The following CNTNAP2 variants were observed in gnomAD, a reference collection of about 807,000 sequenced individuals.
CNTNAP2 encodes the protein contactin-associated protein-like 2.
Under a neutral mutation model 155.2 loss-of-function variants are expected in CNTNAP2, and 98 were observed. The ratio of observed to expected loss-of-function variants is 0.63; its 90% CI spans 0.54 to 0.75. CNTNAP2 has a LOEUF of 0.75. Ranked by LOEUF, CNTNAP2 falls within the 30% of genes least tolerant of loss-of-function variation. The pLI, the probability that CNTNAP2 is intolerant of heterozygous loss-of-function variation, is 0.00. For missense variants in CNTNAP2, 1,727 were observed against 1,688.1 expected (o/e 1.02, Z -0.40); for synonymous variants, 651 against 631.2 (o/e 1.03, Z -0.47).
At chr7:147,925,257 A>C (rs188841432) in intron 14 of CNTNAP2, among the ~76,000 whole-genome samples, 105 of 150,788 alleles carry the variant, frequency 7.0e-4, no homozygotes, top group African/African-American at 2.3e-3. Flanking sequence ...TACCCCCTAC[A>C]CATATAATGC....
chr7:146,393,329 T>A (rs1305444331), intron 1 of CNTNAP2, among the ~76,000 whole-genome samples: 1 of 152,180 alleles, frequency 6.6e-6, no homozygotes, highest in Non-Finnish European at 1.5e-5. Context: ...AATAGATGCC[T>A]CATTCCAGCT....
At chr7:147,563,405 T>A in intron 12 of CNTNAP2, among the ~76,000 whole-genome samples, 1 of 151,924 alleles carries the variant, frequency 6.6e-6, no homozygotes, top group East Asian at 1.9e-4. Context: ...CTGAGGTAGG[T>A]GGATCATGAG....
chr7:147,298,325 G>C (rs899594793), intron 8 of CNTNAP2, among the ~76,000 whole-genome samples: 1 of 152,072 alleles, frequency 6.6e-6, no homozygotes, highest in Admixed American at 6.6e-5. Context: ...TTGGGAGGCT[G>C]AGGTGGGAGA....
chr7:147,345,901 T>A (rs979487853), intron 9 of CNTNAP2, among the ~76,000 whole-genome samples: 1 of 152,176 alleles, frequency 6.6e-6, no homozygotes, highest in African/African-American at 2.4e-5. Context: ...CTCAAAGAGA[T>A]GGCAATTTTA....
intron 1 of CNTNAP2, among the ~76,000 whole-genome samples, chr7:146,327,006 G>C (rs1353186965): frequency 6.6e-6 from 1 of 152,088 alleles, no homozygotes; most frequent in Non-Finnish European, 1.5e-5. Flanking sequence ...CTATTGCCCT[G>C]TAGAATATTC....
intron 15 of CNTNAP2, among the ~76,000 whole-genome samples, chr7:148,023,711 T>C (rs1802325161): frequency 6.6e-6 from 1 of 152,176 alleles, no homozygotes; most frequent in Admixed American, 6.5e-5. Context: ...CATGAAGCCA[T>C]TGGATGAAGT....
chr7:147,430,281 C>T (rs957762954), intron 10 of CNTNAP2, among the ~76,000 whole-genome samples: 38 of 152,104 alleles, frequency 2.5e-4, no homozygotes, highest in African/African-American at 9.2e-4. Context: ...GAGGTCACAG[C>T]CTAGGAAGAA....
intron 1 of CNTNAP2, among the ~76,000 whole-genome samples, chr7:146,461,973 T>C (rs555291736): frequency 2.6e-5 from 4 of 152,352 alleles, no homozygotes; most frequent in African/African-American, 9.6e-5. Context: ...TCCATGGTTA[T>C]TTTTATTTTT....
intron 3 of CNTNAP2, among the ~76,000 whole-genome samples, chr7:146,893,429 A>G (rs1795817968): frequency 6.6e-6 from 1 of 150,746 alleles, no homozygotes; most frequent in African/African-American, 2.4e-5. Context: ...GTATATATAC[A>G]TATGTGTGTG....
rs540285289 is a variant in CNTNAP2 at position 147,818,420 on chromosome 7, A to T, written c.2099-85145A>T. 7.9e-4 allele frequency among the ~76,000 whole-genome samples: 121 copies of T among 152,258 alleles called. 1 individual carries two copies. The highest frequency in any genetic ancestry group is 2.9e-3 in the African/African-American group (119 of 41,548). ...AACAAGGGAGCAGGAGCAATAATTG[A>T]TCATATTTGCTTTCCCTTAGAGAGA... On this transcript the variant is annotated intron_variant, in intron 13 of 23. Transcript: ENST00000361727.
intron 1 of CNTNAP2, among the ~76,000 whole-genome samples, chr7:146,211,512 A>G (rs1205004450): frequency 6.6e-6 from 1 of 152,122 alleles, no homozygotes; most frequent in Non-Finnish European, 1.5e-5. Context: ...GGGCCCACTT[A>G]GATGTATTTT....
At chr7:147,394,848 T>TGTGTGTG (rs1563188019) in intron 9 of CNTNAP2, among the ~76,000 whole-genome samples, 5 of 149,950 alleles carry the variant, frequency 3.3e-5, no homozygotes, top group African/African-American at 7.4e-5. Context: ...TGTGTGTGTG[T>TGTGTGTG]TTACTCTTGT....
At chr7:147,628,249 A>G (rs1266909097) in intron 12 of CNTNAP2, among the ~76,000 whole-genome samples, 3 of 152,220 alleles carry the variant, frequency 2.0e-5, no homozygotes, top group African/African-American at 4.8e-5. Flanking sequence ...CAGATAACCT[A>G]TAAAGGAAAA....
intron 10 of CNTNAP2, among the ~76,000 whole-genome samples, chr7:147,408,161 TC>T (rs112943614): frequency 0.17 from 26,519 of 152,028 alleles, 2,929 homozygotes; most frequent in Non-Finnish European, 0.25. Flanking sequence ...GAGTTAGACA[TC>T]AGAAAAAGCA....
At chr7:147,507,980 G>A (rs997807987) in intron 11 of CNTNAP2, among the ~76,000 whole-genome samples, 5 of 152,060 alleles carry the variant, frequency 3.3e-5, no homozygotes, top group African/African-American at 4.8e-5. Context: ...TTGTCCTCCA[G>A]TAGTGGTGCT....
At chr7:146,957,672 A>C (rs1172223548) in intron 3 of CNTNAP2, among the ~76,000 whole-genome samples, 2 of 152,152 alleles carry the variant, frequency 1.3e-5, no homozygotes, top group Non-Finnish European at 2.9e-5. Context: ...AGCCTTTGAC[A>C]GTCATTGAAA....
chr7:146,795,812 C>T (rs1013262629), intron 2 of CNTNAP2, among the ~76,000 whole-genome samples: 1 of 152,126 alleles, frequency 6.6e-6, no homozygotes, highest in Admixed American at 6.6e-5. Flanking sequence ...CAGAAAAATG[C>T]CTGCTCATGT....
intron 2 of CNTNAP2, among the ~76,000 whole-genome samples, chr7:146,791,038 A>G (rs982148860): frequency 6.6e-6 from 1 of 151,846 alleles, no homozygotes; most frequent in Non-Finnish European, 1.5e-5. Flanking sequence ...GTTATCTACA[A>G]TAGATGTTTC....
rs56287346 is a variant in CNTNAP2, at chr7:146,322,634, CTT to C, written c.97+205678_97+205679del. ...AAGAGGAGACTGTTGTGTTCATTCTCTTTTTTTTTTTTTTTTTTGCTGGCTAT... is the reference window on the plus strand; with the variant it reads ...AAGAGGAGACTGTTGTGTTCATTCTCTTTTTTTTTTTTTTTTGCTGGCTAT... On this transcript the variant is annotated intron_variant, in intron 1 of 23. Transcript: ENST00000361727. Among the ~76,000 whole-genome samples, 43 of 64,966 alleles carry C rather than the reference CTT, an allele frequency of 6.6e-4. 3 individuals are homozygous for C. The East Asian group carries it at 0.01, about 15-fold the overall frequency. 42.6% of individuals were successfully genotyped at this position (64,966 alleles called of 152,430 possible).
Sources: gnomAD v4.1 joint callset for allele counts (sites outside exome capture counted in the v4.1 genomes callset) on GRCh38, gnomAD v4.1.1 for gene constraint, MANE v1.5 for transcripts, NCBI Gene and HGNC (gene_info 2026-07-23, HGNC 2026-07-21) for gene names.